The following ANAPC16 variants were observed in gnomAD, a reference collection of about 807,000 sequenced individuals.
The protein encoded by ANAPC16 is anaphase promoting complex subunit 16, also known as anaphase-promoting complex subunit 16.
In ANAPC16, 6 loss-of-function variants were observed where a neutral mutation model predicts 13.1. The ratio of observed to expected loss-of-function variants is 0.46; its 90% CI spans 0.25 to 0.90. The LOEUF (loss-of-function observed/expected upper bound fraction) is 0.90, where lower values mean the gene tolerates loss of function less well. Ranked by LOEUF, ANAPC16 falls within the 40% of genes least tolerant of loss-of-function variation. The probability of loss-of-function intolerance (pLI) is 0.18; values close to 1 mark genes in which losing one functional copy is unlikely to be tolerated. For missense variants in ANAPC16, 113 were observed against 131.1 expected (o/e 0.86, Z 0.67); for synonymous variants, 55 against 51.3 (o/e 1.07, Z -0.31).
intron 1 of ANAPC16, among the ~76,000 whole-genome samples, chr10:72,218,159 AAAAAAAATATATATATAT>A (rs1413319939): frequency 2.2e-3 from 102 of 45,634 alleles, no homozygotes; most frequent in Admixed American, 8.9e-3. Context: ...AAAAAAAAAA[AAAAAAAATATATATATAT>A]ATATATATAT....
At position 72,233,134 on chromosome 10, in the gene ANAPC16, C is replaced by G. The variant is rs1315979361; in HGVS notation, c.*18C>G. The G allele has an allele frequency of 6.2e-7, 1 of 1,604,204 alleles. No homozygotes were observed. Among genetic ancestry groups the G allele is most frequent in the Admixed American group, 1.7e-5 (1 of 59,932 alleles). On this transcript the variant is annotated 3_prime_UTR_variant, in exon 4 of 4. Transcript: ENST00000299381. ...CAGGTTGATACTGCCTGGATGGTCA[C>G]CTCTGGTGCGCAGCAAGTGCAAAGC...
At position 72,223,966 on chromosome 10, in the gene ANAPC16, G is replaced by A; in HGVS notation, c.52G>A (p.Val18Ile). Residue 18 changes from valine to isoleucine, a missense_variant, in exon 2 of 4, where the codon GTC becomes ATC. By Grantham distance (29) the Val-to-Ile change is conservative. Transcript: ENST00000299381. Reference protein sequence around the residue: ...SSAGGVSGSSVTGSGFSVSDL... With the variant: ...SSAGGVSGSSITGSGFSVSDL... Reference sequence around the variant, plus strand: ...AGCTGGTGGGGTCAGTGGAAGTTCTGTCACTGGATCTGGTTTCAGTGTCTC... The same window carrying A: ...AGCTGGTGGGGTCAGTGGAAGTTCTATCACTGGATCTGGTTTCAGTGTCTC... The A allele has an allele frequency of 6.2e-7, 1 of 1,611,864 alleles. No homozygotes were observed. The highest frequency in any genetic ancestry group is 8.5e-7 in the Non-Finnish European group (1 of 1,178,274).
intron 1 of ANAPC16, among the ~76,000 whole-genome samples, chr10:72,218,155 AAAAAAAAAAAATATATAT>A (rs1859662567): frequency 3.9e-5 from 2 of 50,740 alleles, no homozygotes; most frequent in South Asian, 7.3e-4. Context: ...CAAAAAAAAA[AAAAAAAAAAAATATATAT>A]ATATATATAT....
At position 72,234,970 on chromosome 10, in the gene ANAPC16, G is replaced by A. The variant is rs757504265; in HGVS notation, c.*1854G>A. 9 of 152,204 alleles carry A rather than the reference G, an allele frequency of 5.9e-5. No homozygotes were observed. Among genetic ancestry groups the A allele is most frequent in the Non-Finnish European group, 1.0e-4 (7 of 68,066 alleles). The allele number at this position is 152,204 out of a possible 1,614,324, so 9.4% of individuals were successfully genotyped here. On this transcript the variant is annotated 3_prime_UTR_variant, in exon 4 of 4. Coordinates refer to ENST00000299381, the MANE Select transcript of ANAPC16 (RefSeq NM_173473.4). The stretch of plus-strand genomic sequence containing the variant: ...GTTCAAGACCAGTCTGGCCGACATG[G>A]TGAAACTCAGTCTCTATTGAAAATA...
chr10:72,225,899 C>CA (rs199593724), intron 2 of ANAPC16, among the ~76,000 whole-genome samples: 11,784 of 98,722 alleles, frequency 0.12, 1,202 homozygotes, highest in African/African-American at 0.31. Flanking sequence ...GACTCTGTCT[C>CA]AAAAAAAAAA....
At chr10:72,217,209 T>G (rs1055457664) in intron 1 of ANAPC16, 7 of 376,772 alleles carry the variant, frequency 1.9e-5, no homozygotes, top group Non-Finnish European at 3.7e-5. Flanking sequence ...GCGCGGTGGC[T>G]CACGTCTGTA....
intron 1 of ANAPC16, among the ~76,000 whole-genome samples, chr10:72,218,000 G>A (rs565097774): frequency 6.6e-6 from 1 of 151,150 alleles, no homozygotes; most frequent in South Asian, 2.1e-4. Flanking sequence ...CAAGCATTTC[G>A]GATGAAGGGT....
At chr10:72,230,533 T>A in intron 3 of ANAPC16, 93 bp downstream of exon 3, 1 of 1,016,910 alleles carries the variant, frequency 9.8e-7, no homozygotes, top group Non-Finnish European at 1.5e-6. Flanking sequence ...TCAGCAAGGC[T>A]ATTTTAGTGG....
At chr10:72,216,901 C>T (rs1451629780) in intron 1 of ANAPC16, 27 of 456,016 alleles carry the variant, frequency 5.9e-5, no homozygotes, top group Non-Finnish European at 8.8e-6. Flanking sequence ...GTGGGCCTGG[C>T]AAACTGGTTG....
intron 1 of ANAPC16, chr10:72,217,047 T>G: frequency 2.2e-6 from 1 of 454,252 alleles, no homozygotes; most frequent in Non-Finnish European, 4.4e-6. Flanking sequence ...TGTCGTTTGT[T>G]CATCATTCAT....
chr10:72,234,688 T>C lies in ANAPC16; in HGVS notation c.*1572T>C, dbSNP rs1860421824. 1.3e-5 allele frequency: 2 copies of C among 152,208 alleles called. No homozygotes were observed. Among genetic ancestry groups the C allele is most frequent in the South Asian group, 4.1e-4 (2 of 4,832 alleles). The allele number at this position is 152,208 out of a possible 1,614,324, so 9.4% of individuals were successfully genotyped here. A position where few individuals can be genotyped will look rare whatever the true frequency, so the allele number is the denominator to read the frequency against. ...TAGCCTTAATCTCAAGAGTTCAAAA[T>C]GTTTAACACATTCTACCTGACGGGA... On this transcript the variant is annotated 3_prime_UTR_variant, in exon 4 of 4. Transcript: ENST00000299381.
intron 2 of ANAPC16, among the ~76,000 whole-genome samples, chr10:72,226,441 A>T (rs1860125822): frequency 6.6e-6 from 1 of 152,152 alleles, no homozygotes; most frequent in Non-Finnish European, 1.5e-5. Context: ...TGGGAGGCTG[A>T]GGCAGGCAGA....
Position 72,233,232 on chromosome 10 carries a change from C to T in ANAPC16, c.*116C>T, listed in dbSNP as rs751406042. 41 of 703,736 alleles carry T rather than the reference C, an allele frequency of 5.8e-5. No homozygotes were observed. The highest frequency in any genetic ancestry group is 9.5e-5 in the Non-Finnish European group (39 of 410,242). The allele number at this position is 703,736 out of a possible 1,614,324, so 43.6% of individuals were successfully genotyped here. ...GCTACGTCACTGAATTGTTAATGCA[C>T]ATTTGTACTTGGTTTCTCTGTATCT... On this transcript the variant is annotated 3_prime_UTR_variant, in exon 4 of 4. Transcript: ENST00000299381.
At chr10:72,218,476 G>A (rs1859759411) in intron 1 of ANAPC16, among the ~76,000 whole-genome samples, 2 of 151,868 alleles carry the variant, frequency 1.3e-5, no homozygotes, top group African/African-American at 4.8e-5. Context: ...GCTTCAAAAT[G>A]TCACAGCAGA....
At chr10:72,219,214 A>G (rs1859800811) in intron 1 of ANAPC16, among the ~76,000 whole-genome samples, 1 of 152,214 alleles carries the variant, frequency 6.6e-6, no homozygotes, top group Non-Finnish European at 1.5e-5. Flanking sequence ...AGTTGTCTGT[A>G]TACTTTATTT....
At chr10:72,227,833 C>T (rs972399454) in intron 2 of ANAPC16, among the ~76,000 whole-genome samples, 5 of 149,952 alleles carry the variant, frequency 3.3e-5, no homozygotes, top group African/African-American at 1.2e-4. Flanking sequence ...GAGTTCGAGA[C>T]CAGCCTGACC....
chr10:72,230,231 G>C, intron 2 of ANAPC16, 135 bp from the exon 3 acceptor site: 1 of 613,290 alleles, frequency 1.6e-6, no homozygotes, highest in Non-Finnish European at 2.9e-6. Flanking sequence ...AAATGAAGCA[G>C]AACCCGTCTT....
intron 1 of ANAPC16, among the ~76,000 whole-genome samples, chr10:72,219,347 A>C (rs1859808154): frequency 6.6e-6 from 1 of 152,304 alleles, no homozygotes; most frequent in East Asian, 1.9e-4. Context: ...TTGGATATTA[A>C]TCTAACTCCC....
In ANAPC16 at chr10:72,234,377, A is replaced by T. The variant is rs928928955; in HGVS notation, c.*1261A>T. The T allele has an allele frequency of 1.3e-5, 2 of 151,986 alleles. No homozygotes were observed. The highest frequency in any genetic ancestry group is 4.2e-4 in the South Asian group (2 of 4,818). The allele number at this position is 151,986 out of a possible 1,614,324, so 9.4% of individuals were successfully genotyped here. ...GGTCTTGAACTCCTGGCCTCAAGAG[A>T]TCCCCCCAACCTTGGCCTCCAAAGT... is the stretch of plus-strand genomic sequence containing the variant. On this transcript the variant is annotated 3_prime_UTR_variant, in exon 4 of 4. Transcript: ENST00000299381.
Sources: gnomAD v4.1 joint callset for allele counts (sites outside exome capture counted in the v4.1 genomes callset) on GRCh38, gnomAD v4.1.1 for gene constraint, MANE v1.5 for transcripts, NCBI Gene and HGNC (gene_info 2026-07-23, HGNC 2026-07-21) for gene names.